FAT4: variants seen among roughly 807,000 people sequenced by gnomAD.
The protein encoded by FAT4 is protocadherin Fat 4.
In FAT4, 84 loss-of-function variants were observed where a neutral mutation model predicts 303.9. The observed-to-expected ratio is 0.28, with a 90% confidence interval of 0.23 to 0.33. The LOEUF (loss-of-function observed/expected upper bound fraction) is 0.33. FAT4 is among the 10% of genes least tolerant of loss of function. The probability of loss-of-function intolerance (pLI) is 1.00; values close to 1 mark genes in which losing one functional copy is unlikely to be tolerated. For synonymous variants in FAT4, 2,307 were observed against 2,298.8 expected (o/e 1.00, Z -0.10); for missense variants, 6,005 against 6,146.8 (o/e 0.98, Z 0.77).
rs57537930 is a variant in FAT4 at position 125,319,507 on chromosome 4, A to G, written c.3096A>G (p.Ala1032=). The change falls in exon 2 of 18, where the codon GCA becomes GCG. Residue 1032 remains alanine (A), a synonymous_variant. Transcript: ENST00000394329. Reference sequence around the variant, plus strand: ...ATTCAGGAGCAAATGGTGAAATTGCATACACCATTGCTGAAGGAAATACAG... The same window carrying G: ...ATTCAGGAGCAAATGGTGAAATTGCGTACACCATTGCTGAAGGAAATACAG... ...DKDSGANGEI[A]YTIAEGNTGD... 1.4e-3 allele frequency: 2,246 copies of G among 1,613,538 alleles called. 37 individuals carry two copies. The African/African-American group carries it at 0.026, about 19-fold the overall frequency.
rs763504235 is a variant in FAT4, at chr4:125,450,599, C to T, written c.9589C>T (p.Leu3197Phe). Reference protein sequence around the residue: ...IDVNDNSPVFLSDDYFPTVLE... With the variant: ...IDVNDNSPVFFSDDYFPTVLE... ...TGTGAATGATAATTCTCCAGTATTC[C>T]TCTCTGATGACTATTTCCCTACTGT... Residue 3197 changes from leucine (L) to phenylalanine (F), a missense_variant, in exon 10 of 18, where the codon CTC (leucine) becomes TTC (phenylalanine). Transcript: ENST00000394329. 14 of 1,613,980 alleles carry T rather than the reference C, an allele frequency of 8.7e-6. No homozygotes were observed. In the African/African-American group the frequency reaches 1.7e-4, roughly 20 times the overall value.
intron 7 of FAT4, among the ~76,000 whole-genome samples, chr4:125,429,084 G>A (rs576314246): frequency 1.3e-5 from 2 of 152,222 alleles, no homozygotes; most frequent in East Asian, 1.9e-4. Flanking sequence ...TGGGATTCAC[G>A]TTTAATTGGG....
chr4:125,332,774 G>A (rs1238136032), intron 2 of FAT4, among the ~76,000 whole-genome samples: 2 of 151,994 alleles, frequency 1.3e-5, no homozygotes, highest in Non-Finnish European at 2.9e-5. Context: ...TCTATCTTTC[G>A]AAACTACTCT....
chr4:125,325,183 A>G (rs1209263512), intron 2 of FAT4, among the ~76,000 whole-genome samples: 1 of 152,196 alleles, frequency 6.6e-6, no homozygotes, highest in Non-Finnish European at 1.5e-5. Context: ...AAACCCTGTC[A>G]GCAAACTTTT....
At chr4:125,383,405 G>C (rs1384397418) in intron 2 of FAT4, among the ~76,000 whole-genome samples, 2 of 152,224 alleles carry the variant, frequency 1.3e-5, no homozygotes, top group African/African-American at 4.8e-5. Context: ...TGGCTGGACA[G>C]TAGAGGACTC....
At chr4:125,381,097 A>G (rs868567069) in intron 2 of FAT4, among the ~76,000 whole-genome samples, 7 of 152,338 alleles carry the variant, frequency 4.6e-5, no homozygotes, top group South Asian at 2.1e-4. Context: ...GTGATGGACT[A>G]TGCATTCTTA....
chr4:125,433,705 AAC>A, intron 7 of FAT4, among the ~76,000 whole-genome samples: 5 of 152,340 alleles, frequency 3.3e-5, no homozygotes, highest in African/African-American at 1.2e-4. Context: ...CGTAGAAGAT[AAC>A]ACTTTTGAGA....
chr4:125,398,806 T>C lies in FAT4; in HGVS notation c.5198T>C (p.Ile1733Thr). 1 of 1,613,184 alleles carries C rather than the reference T, an allele frequency of 6.2e-7. No individual in the cohort carries two copies. Among genetic ancestry groups the C allele is most frequent in the South Asian group, 1.1e-5 (1 of 91,044 alleles). Residue 1733 changes from isoleucine (I) to threonine (T), a missense_variant, in exon 3 of 18, where the codon ATC becomes ACC. Coordinates refer to ENST00000394329, the MANE Select transcript of FAT4 (RefSeq NM_001291303.3). Reference protein sequence around the residue: ...RAEVEITLQDINDNPPVFPTD... With the variant: ...RAEVEITLQDTNDNPPVFPTD... ...TAGGTAGAAATAACACTTCAGGATA[T>C]CAATGACAATCCACCAGTATTTCCA...
rs753876491 is a variant in FAT4 at position 125,449,158 on chromosome 4, T to C, written c.8148T>C (p.Asn2716=). Residue 2716 remains asparagine, a synonymous_variant, in exon 10 of 18, where the codon AAT becomes AAC. Coordinates refer to ENST00000394329, the MANE Select transcript of FAT4 (RefSeq NM_001291303.3). ...AAATTGTTAATGGCAACATGGAAAA[T>C]AGTTTCAGTATCAATCATGCTACTG... ...DYEIVNGNME[N]SFSINHATGE... 14 of 1,613,864 alleles carry C rather than the reference T, an allele frequency of 8.7e-6. No homozygotes were observed. The highest frequency in any genetic ancestry group is 1.1e-5 in the Non-Finnish European group (13 of 1,179,870).
chr4:125,430,396 A>G (rs907996221), intron 7 of FAT4, among the ~76,000 whole-genome samples: 2 of 152,112 alleles, frequency 1.3e-5, no homozygotes, highest in Non-Finnish European at 2.9e-5. Context: ...AGGTTATGCT[A>G]TCAGTCAACA....
intron 12 of FAT4, among the ~76,000 whole-genome samples, chr4:125,471,233 T>G (rs940420862): frequency 6.6e-6 from 1 of 152,208 alleles, no homozygotes; most frequent in African/African-American, 2.4e-5. Context: ...CAGATCACCA[T>G]ACCACATAAA....
At chr4:125,322,759 AT>A (rs1298129729) in intron 2 of FAT4, among the ~76,000 whole-genome samples, 3 of 150,706 alleles carry the variant, frequency 2.0e-5, no homozygotes, top group South Asian at 4.2e-4. Flanking sequence ...ATCCTCTGTG[AT>A]TTTTTTTCAT....
intron 7 of FAT4, among the ~76,000 whole-genome samples, chr4:125,429,025 T>C (rs1017792157): frequency 2.0e-5 from 3 of 152,196 alleles, no homozygotes; most frequent in African/African-American, 7.2e-5. Flanking sequence ...TTCATCATTA[T>C]CAGATCTATT....
chr4:125,407,407 T>C lies in FAT4; in HGVS notation c.5569+266T>C, dbSNP rs6833240. Among the ~76,000 whole-genome samples the C allele has an allele frequency of 0.99, 150,686 of 152,092 alleles. 74,660 individuals carry two copies. Among genetic ancestry groups the C allele is most frequent in the East Asian group, 1 (5,154 of 5,154 alleles). On this transcript the variant is annotated intron_variant, in intron 4 of 17. Coordinates refer to ENST00000394329, the MANE Select transcript of FAT4 (RefSeq NM_001291303.3). Reference sequence around the variant, plus strand: ...ACATGGGTTATTAATTTTCTGTCAATCACAGTTTTGGTACTCTTTCTGCTT... The same window carrying C: ...ACATGGGTTATTAATTTTCTGTCAACCACAGTTTTGGTACTCTTTCTGCTT...
chr4:125,408,868 G>A lies in FAT4; in HGVS notation c.5920+74G>A, dbSNP rs1210039199. 4.9e-5 allele frequency: 39 copies of A among 802,178 alleles called. No individual in the cohort carries two copies. The South Asian group carries it at 1.2e-3, about 24-fold the overall frequency. The allele number at this position is 802,178 out of a possible 1,614,324, so 49.7% of individuals were successfully genotyped here. On this transcript the variant is annotated intron_variant, in intron 5 of 17. Transcript: ENST00000394329. ...CAGATTTATATTACATTTATTTATT[G>A]TGTTGAGCTGTCACAAAAATGCATT... is the stretch of plus-strand genomic sequence containing the variant.
Position 125,367,655 on chromosome 4 carries a change from T to C in FAT4, c.5176-31129T>C, listed in dbSNP as rs548551773. ...CAACCGTATATCATAGAAAGTTAAG[T>C]TATTCAGTTGTTCAAAGTCAGTCAG... On this transcript the variant is annotated intron_variant, in intron 2 of 17. Transcript: ENST00000394329. Among the ~76,000 whole-genome samples the C allele has an allele frequency of 9.2e-5, 14 of 152,266 alleles. No homozygotes were observed. The East Asian group carries it at 9.6e-4, about 10-fold the overall frequency.
chr4:125,465,662 C>T (rs920470863), intron 11 of FAT4, among the ~76,000 whole-genome samples: 2 of 152,222 alleles, frequency 1.3e-5, no homozygotes, highest in African/African-American at 4.8e-5. Flanking sequence ...CCAAATGTAC[C>T]TTCTTGTCAC....
rs780749971 is a variant in FAT4, at chr4:125,414,895, C to A, written c.5932C>A (p.Gln1978Lys). Reference sequence around the variant, plus strand: ...CCCTTTAATTTCAGGCATCAACTCTCAATTGACTTATAGCATTGCTTCAGG... The same window carrying A: ...CCCTTTAATTTCAGGCATCAACTCTAAATTGACTTATAGCATTGCTTCAGG... ...VTDADDGINS[Q>K]LTYSIASGDS... is the part of the protein sequence containing the mutation. The change falls in exon 6 of 18, where the codon CAA becomes AAA. Residue 1978 changes from glutamine (Q) to lysine (K), a missense_variant. By Grantham distance (53) the Gln-to-Lys change is moderately conservative. Coordinates refer to ENST00000394329, the MANE Select transcript of FAT4 (RefSeq NM_001291303.3). The A allele has an allele frequency of 1.6e-5, 26 of 1,587,426 alleles. 1 individual carries two copies. The South Asian group carries it at 2.6e-4, about 16-fold the overall frequency.
chr4:125,339,438 C>T (rs572815000), intron 2 of FAT4, among the ~76,000 whole-genome samples: 4 of 152,114 alleles, frequency 2.6e-5, no homozygotes, highest in East Asian at 1.9e-4. Context: ...CCTCGTGATC[C>T]GCCTGCCTCG....
Sources: allele counts gnomAD v4.1 joint callset (sites outside exome capture counted in the v4.1 genomes callset), GRCh38; gene constraint gnomAD v4.1.1; transcripts MANE v1.5; gene names NCBI Gene and HGNC (gene_info 2026-07-23, HGNC 2026-07-21).